VPS13B: variants seen among roughly 807,000 people sequenced by gnomAD.
VPS13B encodes the protein vacuolar protein sorting 13 homolog B, also known as intermembrane lipid transfer protein VPS13B.
In VPS13B, 285 loss-of-function variants were observed where a neutral mutation model predicts 426.4. That is an observed-to-expected ratio of 0.67 (90% confidence interval 0.61 to 0.74). The LOEUF (loss-of-function observed/expected upper bound fraction) is 0.74. VPS13B is among the 30% of genes least tolerant of loss of function. VPS13B has a pLI of 0.00. For missense variants in VPS13B, 4,537 were observed against 4,782.6 expected (o/e 0.95, Z 1.51); for synonymous variants, 1,676 against 1,676.4 (o/e 1.00, Z 0.01).
chr8:99,675,236 T>G (rs574834423), intron 35 of VPS13B, among the ~76,000 whole-genome samples: 1 of 152,172 alleles, frequency 6.6e-6, no homozygotes, highest in African/African-American at 2.4e-5. Context: ...GTTAATTAGT[T>G]TGTTTTCCAG....
At chr8:99,835,145 C>T (rs1410759685) in intron 52 of VPS13B, 52 bp from the exon 53 acceptor site, 3 of 1,611,200 alleles carry the variant, frequency 1.9e-6, no homozygotes, top group Non-Finnish European at 2.5e-6. Context: ...GAGGAGAGAG[C>T]ATTCATTTTT....
At chr8:99,156,437 A>G (rs1811368269) in intron 14 of VPS13B, 112 bp from the exon 15 acceptor site, 3 of 981,866 alleles carry the variant, frequency 3.1e-6, no homozygotes, top group Admixed American at 2.0e-5. Flanking sequence ...CATCATTTCT[A>G]GATTGATTTG....
chr8:99,616,223 AGTCTCTGGAC>A (rs1431568166), intron 33 of VPS13B, among the ~76,000 whole-genome samples: 4 of 152,210 alleles, frequency 2.6e-5, no homozygotes, highest in Non-Finnish European at 4.4e-5. Context: ...GCTGAGGTCC[AGTCTCTGGAC>A]ATTTATTTCA....
chr8:99,654,340 G>A (rs1056819073), intron 34 of VPS13B, among the ~76,000 whole-genome samples: 3 of 152,030 alleles, frequency 2.0e-5, no homozygotes, highest in Admixed American at 1.3e-4. Flanking sequence ...GAGCCACCAC[G>A]CCCGGCTGAC....
At chr8:99,416,106 G>A (rs1208175760) in intron 21 of VPS13B, among the ~76,000 whole-genome samples, 1 of 152,222 alleles carries the variant, frequency 6.6e-6, no homozygotes, top group Non-Finnish European at 1.5e-5. Context: ...TTTCAGAGAT[G>A]CTCTGCACAG....
intron 36 of VPS13B, among the ~76,000 whole-genome samples, chr8:99,709,252 T>A (rs991127960): frequency 5.9e-5 from 9 of 152,340 alleles, no homozygotes; most frequent in African/African-American, 2.2e-4. Flanking sequence ...AATGTCATCA[T>A]TGACTACTCT....
At chr8:99,395,622 A>G (rs1814689286) in intron 21 of VPS13B, among the ~76,000 whole-genome samples, 1 of 152,188 alleles carries the variant, frequency 6.6e-6, no homozygotes, top group Non-Finnish European at 1.5e-5. Context: ...AAGGAATACA[A>G]TACTATTGTA....
At chr8:99,496,469 G>A (rs1463972200) in intron 25 of VPS13B, among the ~76,000 whole-genome samples, 5 of 152,090 alleles carry the variant, frequency 3.3e-5, no homozygotes, top group Non-Finnish European at 7.4e-5. Context: ...GGCTAACACA[G>A]TGAAACCCCG....
intron 30 of VPS13B, among the ~76,000 whole-genome samples, chr8:99,543,600 TCAAA>T (rs1213835905): frequency 1.3e-5 from 2 of 151,364 alleles, no homozygotes; most frequent in Non-Finnish European, 3.0e-5. Context: ...TACAAAGAAC[TCAAA>T]CAAATTTACA....
chr8:99,191,480 T>C (rs1813590602), intron 16 of VPS13B, among the ~76,000 whole-genome samples: 1 of 149,252 alleles, frequency 6.7e-6, no homozygotes, highest in Non-Finnish European at 1.5e-5. Flanking sequence ...GCCTCCTGAG[T>C]TTAAGCAATT....
At chr8:99,190,322 T>G (rs1375912441) in intron 16 of VPS13B, among the ~76,000 whole-genome samples, 2 of 151,978 alleles carry the variant, frequency 1.3e-5, no homozygotes, top group Non-Finnish European at 2.9e-5. Flanking sequence ...CTTTATTATT[T>G]AAAGTGGATA....
At chr8:99,318,622 C>T (rs1809801809) in intron 19 of VPS13B, among the ~76,000 whole-genome samples, 2 of 152,126 alleles carry the variant, frequency 1.3e-5, no homozygotes, top group Non-Finnish European at 2.9e-5. Context: ...TGGGTTCAAG[C>T]GATTCTCCTG....
intron 19 of VPS13B, among the ~76,000 whole-genome samples, chr8:99,290,587 T>A (rs538498989): frequency 6.6e-6 from 1 of 150,974 alleles, no homozygotes; most frequent in East Asian, 1.9e-4. Flanking sequence ...CACACCAACA[T>A]GGCACATGTA....
chr8:99,762,426 C>G (rs1449369347), intron 39 of VPS13B, among the ~76,000 whole-genome samples: 1 of 152,120 alleles, frequency 6.6e-6, no homozygotes, highest in Non-Finnish European at 1.5e-5. Flanking sequence ...CAGGGCTGAC[C>G]CACTGGCAGT....
chr8:99,640,186 A>G, intron 33 of VPS13B, among the ~76,000 whole-genome samples: 1 of 152,088 alleles, frequency 6.6e-6, no homozygotes, highest in East Asian at 1.9e-4. Context: ...AACTTAGTGC[A>G]GCCTTTTTGG....
chr8:99,210,602 A>AAT (rs577723439), intron 17 of VPS13B, among the ~76,000 whole-genome samples: 12 of 151,028 alleles, frequency 7.9e-5, no homozygotes, highest in East Asian at 1.9e-4. Context: ...GGTCTTGAAA[A>AAT]ATATATATAT....
At chr8:99,743,996 G>A (rs1253424544) in intron 39 of VPS13B, among the ~76,000 whole-genome samples, 5 of 152,118 alleles carry the variant, frequency 3.3e-5, no homozygotes, top group African/African-American at 1.2e-4. Flanking sequence ...AAACTAAAGA[G>A]CTTCTGCACA....
At chr8:99,567,479 G>GTT (rs200194869) in intron 31 of VPS13B, among the ~76,000 whole-genome samples, 21,213 of 131,754 alleles carry the variant, frequency 0.16, 1,981 homozygotes, top group East Asian at 0.38. Flanking sequence ...TTTTGTTGGT[G>GTT]TTTTTTTTTT....
chr8:99,592,638 G>T (rs1225672091), intron 33 of VPS13B, among the ~76,000 whole-genome samples: 1 of 152,092 alleles, frequency 6.6e-6, no homozygotes, highest in Admixed American at 6.6e-5. Flanking sequence ...AAAGCTGGAG[G>T]CATCACACTA....
Sources: allele counts gnomAD v4.1 joint callset (sites outside exome capture counted in the v4.1 genomes callset), GRCh38; gene constraint gnomAD v4.1.1; transcripts MANE v1.5; gene names NCBI Gene and HGNC (gene_info 2026-07-23, HGNC 2026-07-21).